The following DLGAP3 variants were observed in gnomAD, a reference collection of about 807,000 sequenced individuals.
The protein encoded by DLGAP3 is disks large-associated protein 3.
DLGAP3 carries 17 observed loss-of-function variants against 81.2 expected under a neutral mutation model. The ratio of observed to expected loss-of-function variants is 0.21; its 90% CI spans 0.14 to 0.31. The LOEUF (loss-of-function observed/expected upper bound fraction) is 0.31, where lower values mean the gene tolerates loss of function less well. Among genes scored for constraint, DLGAP3 ranks in the 10% least tolerant of loss-of-function variants. The pLI is 1.00. For missense variants in DLGAP3, 1,124 were observed against 1,388.0 expected (o/e 0.81, Z 3.02); for synonymous variants, 577 against 587.4 (o/e 0.98, Z 0.26).
At position 34,867,098 on chromosome 1, in the gene DLGAP3, G is replaced by T; in HGVS notation, c.2671C>A (p.Leu891Met). 1.9e-6 allele frequency: 3 copies of T among 1,614,200 alleles called. No homozygotes were observed. Among genetic ancestry groups the T allele is most frequent in the Non-Finnish European group, 2.5e-6 (3 of 1,180,014 alleles). Residue 891 changes from leucine (L) to methionine (M), a missense_variant, in exon 11 of 12, where the codon CTG (leucine) becomes ATG (methionine). Around this residue, in one of 9 missense-constraint regions of DLGAP3, gnomAD observed 133 missense variants for 171.1 expected, o/e 0.78. Transcript: ENST00000373347. The surrounding 1 kb of genome is among the most constrained non-coding windows in gnomAD (Gnocchi z 4.3). ...TTGGCCTTGAGTTGCTGTAGCTCCA[G>T]GAACTTGAGGGTCACATCCTCGATG... ...LSIEDVTLKF[L>M]ELQQLKANSW...
Position 34,867,199 on chromosome 1 carries a change from AGAG to A in DLGAP3, c.2578-11_2578-9del. 6.2e-7 allele frequency: 1 copy of A among 1,614,124 alleles called. No individual in the cohort carries two copies. Among genetic ancestry groups the A allele is most frequent in the Non-Finnish European group, 8.5e-7 (1 of 1,180,016 alleles). On this transcript the variant is annotated splice_polypyrimidine_tract_variant and intron_variant, in intron 10 of 11. Coordinates refer to ENST00000373347, the MANE Select transcript of DLGAP3 (RefSeq NM_001080418.3). The surrounding 1 kb of genome is among the most constrained non-coding windows in gnomAD (Gnocchi z 4.3). ...AGGGAACGCAGTGGGATCCTGCAAC[AGAG>A]GAAGATGGAGGGAAAGTGATTGGTC... is the stretch of plus-strand genomic sequence containing the variant.
rs1639917364 is a variant in DLGAP3 at position 34,929,059 on chromosome 1, AT to A, written c.-135+391del. Among the ~76,000 whole-genome samples, 1 of 151,914 alleles carries A rather than the reference AT, an allele frequency of 6.6e-6. No homozygotes were observed. Among genetic ancestry groups the A allele is most frequent in the East Asian group, 2.0e-4 (1 of 5,128 alleles). ...CAGACACACAGCGACACGCACTCACATTCACACACCTGCAGAGGAAACTTCT... is the reference window on the plus strand; with the variant it reads ...CAGACACACAGCGACACGCACTCACATCACACACCTGCAGAGGAAACTTCT... On this transcript the variant is annotated intron_variant, in intron 1 of 11. Transcript: ENST00000373347. The surrounding 1 kb of genome is among the most constrained non-coding windows in gnomAD (Gnocchi z 6.5).
chr1:34,878,337 A>C (rs1177445955), intron 8 of DLGAP3, among the ~76,000 whole-genome samples: 1 of 152,156 alleles, frequency 6.6e-6, no homozygotes, highest in Non-Finnish European at 1.5e-5. Context: ...AAAAATAAGC[A>C]ACACATCTAA....
At chr1:34,922,303 C>G (rs780987442) in intron 1 of DLGAP3, among the ~76,000 whole-genome samples, 1 of 152,216 alleles carries the variant, frequency 6.6e-6, no homozygotes, top group African/African-American at 2.4e-5. Context: ...AGAAGAGCTA[C>G]AAGTAGCAGG....
Position 34,899,706 on chromosome 1 carries a change from G to A in DLGAP3, c.1349C>T (p.Ser450Phe). ...CVPPRIHPRS[S>F]IPGYSRSLTT... ...GAGGGAACGGCTGTAGCCAGGGATGGAGCTCCGGGGGTGGATCCGGGGTGG... is the reference window on the plus strand; with the variant it reads ...GAGGGAACGGCTGTAGCCAGGGATGAAGCTCCGGGGGTGGATCCGGGGTGG... Residue 450 changes from serine (S) to phenylalanine (F), a missense_variant, in exon 5 of 12, where the codon TCC becomes TTC. Transcript: ENST00000373347. The A allele has an allele frequency of 6.2e-7, 1 of 1,614,072 alleles. No homozygotes were observed. The highest frequency in any genetic ancestry group is 8.5e-7 in the Non-Finnish European group (1 of 1,180,022).
chr1:34,926,713 C>T (rs190813418), intron 1 of DLGAP3, among the ~76,000 whole-genome samples: 20 of 152,258 alleles, frequency 1.3e-4, no homozygotes, highest in African/African-American at 4.8e-4. Context: ...AATACGGGGC[C>T]CCTTGCTGAA....
intron 1 of DLGAP3, among the ~76,000 whole-genome samples, chr1:34,918,062 C>T (rs1639742854): frequency 6.6e-6 from 1 of 152,182 alleles, no homozygotes; most frequent in South Asian, 2.1e-4. Flanking sequence ...AAAGGAGGGG[C>T]TTGGGAAATG....
At chr1:34,881,290 T>C (rs1188290521) in intron 8 of DLGAP3, among the ~76,000 whole-genome samples, 2 of 152,224 alleles carry the variant, frequency 1.3e-5, no homozygotes, top group African/African-American at 4.8e-5. Flanking sequence ...AGAACCCTGA[T>C]TCTTAGCTAT....
At position 34,885,615 on chromosome 1, in the gene DLGAP3, G is replaced by C; in HGVS notation, c.1777C>G (p.Arg593Gly). The change falls in exon 7 of 12, where the codon CGC (arginine) becomes GGC (glycine). Residue 593 changes from arginine (R) to glycine (G), a missense_variant. Physicochemically the swap from Arg to Gly is moderately radical, Grantham distance 125 (BLOSUM62 -2). This residue lies in a region of DLGAP3 where 379 missense variants were observed against 455.7 expected (regional missense o/e 0.83). Transcript: ENST00000373347. ...GGCACCGGCGCCAACTCCAGTGTGC[G>C]CGCACCCATGGCGGGGCCGTCCAGC... ...DGLDGPAMGA[R>G]TLELAPVPPR... 1 of 1,570,846 alleles carries C rather than the reference G, an allele frequency of 6.4e-7. No individual in the cohort carries two copies. Among genetic ancestry groups the C allele is most frequent in the Non-Finnish European group, 8.6e-7 (1 of 1,163,788 alleles).
intron 1 of DLGAP3, among the ~76,000 whole-genome samples, chr1:34,919,134 C>T (rs1420351030): frequency 6.6e-6 from 1 of 152,144 alleles, no homozygotes; most frequent in Non-Finnish European, 1.5e-5. Context: ...GCCCCTAGCC[C>T]AGATGAGAGA....
At chr1:34,874,909 G>C (rs1337184672) in intron 8 of DLGAP3, among the ~76,000 whole-genome samples, 1 of 152,064 alleles carries the variant, frequency 6.6e-6, no homozygotes, top group African/African-American at 2.4e-5. Flanking sequence ...AGAAGCTCCT[G>C]TGTGAAGGCA....
At chr1:34,916,820 C>T (rs571158791) in intron 1 of DLGAP3, among the ~76,000 whole-genome samples, 3 of 152,106 alleles carry the variant, frequency 2.0e-5, no homozygotes, top group South Asian at 2.1e-4. Context: ...CTCAGCTTCC[C>T]GAGTAGCTGA....
At chr1:34,878,289 G>A (rs1040784981) in intron 8 of DLGAP3, among the ~76,000 whole-genome samples, 2 of 151,914 alleles carry the variant, frequency 1.3e-5, no homozygotes, top group South Asian at 4.2e-4. Context: ...CTGGGTGACA[G>A]AGCAAGACTC....
At chr1:34,869,128 C>A in intron 8 of DLGAP3, 39 bp from the exon 9 acceptor site, 3 of 1,454,088 alleles carry the variant, frequency 2.1e-6, no homozygotes, top group Non-Finnish European at 2.8e-6. Context: ...ATTGCCCAGG[C>A]TCATGCCAGC....
intron 1 of DLGAP3, among the ~76,000 whole-genome samples, chr1:34,911,025 C>CCCT (rs1553124116): frequency 8.3e-6 from 1 of 120,980 alleles, no homozygotes; most frequent in South Asian, 2.8e-4. Context: ...ATTATCCACC[C>CCCT]CCCCCCCACC....
At position 34,926,340 on chromosome 1, in the gene DLGAP3, G is replaced by A. The variant is rs542120515; in HGVS notation, c.-135+3111C>T. 1.6e-4 allele frequency among the ~76,000 whole-genome samples: 25 copies of A among 152,270 alleles called. No homozygotes were observed. The South Asian group carries it at 3.9e-3, about 24-fold the overall frequency. ...GGCCTGACAAGTTATTAGCAATGAT[G>A]AGCTGGCACCTCGTTACCATAACGA... On this transcript the variant is annotated intron_variant, in intron 1 of 11. Coordinates refer to ENST00000373347, the MANE Select transcript of DLGAP3 (RefSeq NM_001080418.3).
In DLGAP3 at chr1:34,867,202, G is replaced by A. The variant is rs750411665; in HGVS notation, c.2578-11C>T. The A allele has an allele frequency of 1.3e-5, 21 of 1,613,982 alleles. No homozygotes were observed. The East Asian group carries it at 4.5e-4, about 34-fold the overall frequency. Reference sequence around the variant, plus strand: ...GAACGCAGTGGGATCCTGCAACAGAGGAAGATGGAGGGAAAGTGATTGGTC... The same window carrying A: ...GAACGCAGTGGGATCCTGCAACAGAAGAAGATGGAGGGAAAGTGATTGGTC... On this transcript the variant is annotated splice_polypyrimidine_tract_variant and intron_variant, in intron 10 of 11. Transcript: ENST00000373347. This position sits in a 1 kb window ranked among gnomAD's most constrained non-coding sequence, Gnocchi z 4.3.
chr1:34,892,838 A>G (rs1327166718), intron 5 of DLGAP3, among the ~76,000 whole-genome samples: 2 of 152,234 alleles, frequency 1.3e-5, no homozygotes, highest in African/African-American at 4.8e-5. Context: ...AAGAAAAACA[A>G]TTCATCACAT....
intron 8 of DLGAP3, among the ~76,000 whole-genome samples, chr1:34,871,514 GAAT>G (rs1192751360): frequency 6.6e-6 from 1 of 152,200 alleles, no homozygotes; most frequent in Non-Finnish European, 1.5e-5. Context: ...TGAGAGTCTT[GAAT>G]GTCTAGCTGC....
Sources: gnomAD v4.1 joint callset for allele counts (sites outside exome capture counted in the v4.1 genomes callset) on GRCh38, gnomAD v4.1.1 for gene constraint, gnomAD v4.1.1 regional missense constraint, Gnocchi (gnomAD v3.1) non-coding constraint, MANE v1.5 for transcripts, NCBI Gene and HGNC (gene_info 2026-07-23, HGNC 2026-07-21) for gene names.